Variants in SLC26A3 observed in about 807,000 individuals in gnomAD.
SLC26A3 encodes solute carrier family 26 member 3.
A neutral mutation model predicts 85.6 loss-of-function variants in SLC26A3; 64 were observed. The ratio of observed to expected loss-of-function variants is 0.75; its 90% CI spans 0.61 to 0.92. SLC26A3 has a LOEUF of 0.92. SLC26A3 is among the 40% of genes least tolerant of loss of function. SLC26A3 has a pLI of 0.00. For synonymous variants in SLC26A3, 349 were observed against 336.0 expected, an observed-to-expected ratio of 1.04 and a Z score of -0.42; for missense variants, 922 against 927.3, an observed-to-expected ratio of 0.99 and a Z score of 0.07.
chr7:107,784,821 CTAT>C (rs1794267280), intron 8 of SLC26A3, among the ~76,000 whole-genome samples: 1 of 152,176 alleles, frequency 6.6e-6, no homozygotes. Context: ...TGCCTGTTAG[CTAT>C]TATTATAGGA....
chr7:107,770,012 T>C (rs1303663629), intron 18 of SLC26A3, among the ~76,000 whole-genome samples: 3 of 37,008 alleles, frequency 8.1e-5, no homozygotes, highest in Admixed American at 6.7e-4. Flanking sequence ...CTTTCTTTCT[T>C]TCTTTCTTTC....
Position 107,794,516 on chromosome 7 carries a change from T to A in SLC26A3, c.-7A>T. 1.2e-6 allele frequency: 2 copies of A among 1,613,960 alleles called. No homozygotes were observed. The highest frequency in any genetic ancestry group is 1.7e-6 in the Non-Finnish European group (2 of 1,179,868). ...TCCCAAAGGGTTCAATCATTTTGAT[T>A]TTTCTGTTGGCTGTGGCAAGTTGAA... is the stretch of plus-strand genomic sequence containing the variant. On this transcript the variant is annotated 5_prime_UTR_variant, in exon 2 of 21. Transcript: ENST00000340010.
chr7:107,779,899 T>C, intron 11 of SLC26A3, 136 bp from the exon 12 acceptor site: 5 of 744,980 alleles, frequency 6.7e-6, no homozygotes, highest in South Asian at 1.5e-5. Flanking sequence ...TTTTCCGGTG[T>C]GCGATGCCAC....
In SLC26A3 at chr7:107,767,916, G is replaced by GA. The variant is rs757004284; in HGVS notation, c.2063-9dup. ...GCTTCTCAATGAAGTCATCTGAAGA[G>GA]AAAAAAACAGTAACTTTTAGGAAGA... is the stretch of plus-strand genomic sequence containing the variant. On this transcript the variant is annotated splice_polypyrimidine_tract_variant and intron_variant, in intron 18 of 20. Transcript: ENST00000340010. 7.4e-6 allele frequency: 12 copies of GA among 1,612,374 alleles called. No individual in the cohort carries two copies. The highest frequency in any genetic ancestry group is 1.7e-5 in the Admixed American group (1 of 59,792).
intron 3 of SLC26A3, 98 bp from the exon 4 acceptor site, chr7:107,792,038 TAA>T: frequency 1.4e-6 from 1 of 740,490 alleles, no homozygotes; most frequent in Admixed American, 2.1e-5. Flanking sequence ...ATCCTAAAAA[TAA>T]GTTACCTCAT....
intron 1 of SLC26A3, among the ~76,000 whole-genome samples, chr7:107,802,243 A>T (rs951680779): frequency 7.9e-5 from 12 of 152,168 alleles, no homozygotes; most frequent in African/African-American, 2.9e-4. Flanking sequence ...AAAGTTGTAT[A>T]ATCTTTTCCT....
At position 107,787,303 on chromosome 7, in the gene SLC26A3, T is replaced by C. The variant is rs1160977841; in HGVS notation, c.888+54A>G. The C allele has an allele frequency of 4.4e-6, 7 of 1,595,084 alleles. No homozygotes were observed. In the Admixed American group the frequency reaches 1.0e-4, roughly 23 times the overall value. On this transcript the variant is annotated intron_variant, in intron 7 of 20. Coordinates refer to ENST00000340010, the MANE Select transcript of SLC26A3 (RefSeq NM_000111.3). ...CCTGAGCTACAAATGGTGAAGGACT[T>C]ACAACATATAAACAGTAGAGTAGCT...
At chr7:107,790,353 A>G (rs762355768) in intron 5 of SLC26A3, among the ~76,000 whole-genome samples, 1 of 152,242 alleles carries the variant, frequency 6.6e-6, no homozygotes, top group Non-Finnish European at 1.5e-5. Context: ...TTCCATTTCT[A>G]TACTAAGTTC....
intron 3 of SLC26A3, 141 bp downstream of exon 3, chr7:107,793,601 G>T (rs1794440663): frequency 4.6e-6 from 3 of 655,694 alleles, no homozygotes; most frequent in Admixed American, 5.0e-5. Flanking sequence ...GATTTTTAGG[G>T]GTTGGTGGTG....
chr7:107,786,809 C>G lies in SLC26A3; in HGVS notation c.971+18G>C. 6.2e-7 allele frequency: 1 copy of G among 1,602,750 alleles called. No individual in the cohort carries two copies. On this transcript the variant is annotated intron_variant, in intron 8 of 20. Transcript: ENST00000340010. Reference sequence around the variant, plus strand: ...TCTGCTTAGTGCATGGTGATGCCATCATCGAAGACACACTTACCCAGGATT... The same window carrying G: ...TCTGCTTAGTGCATGGTGATGCCATGATCGAAGACACACTTACCCAGGATT...
intron 18 of SLC26A3, among the ~76,000 whole-genome samples, chr7:107,769,093 T>G (rs1246788152): frequency 1.3e-5 from 2 of 152,152 alleles, no homozygotes; most frequent in Non-Finnish European, 2.9e-5. Context: ...CAAGGGGATG[T>G]TTTTAATTAT....
chr7:107,792,539 G>A (rs187250666), intron 3 of SLC26A3, among the ~76,000 whole-genome samples: 24 of 152,144 alleles, frequency 1.6e-4, no homozygotes, highest in Admixed American at 1.0e-3. Flanking sequence ...TAATGTTGTC[G>A]CTGATCTAAC....
intron 11 of SLC26A3, among the ~76,000 whole-genome samples, chr7:107,782,366 A>T (rs955675348): frequency 3.9e-5 from 6 of 152,268 alleles, no homozygotes; most frequent in African/African-American, 1.4e-4. Flanking sequence ...TTGGTCTTGG[A>T]GTTAAACCAA....
At chr7:107,776,356 A>G in intron 15 of SLC26A3, 96 bp downstream of exon 15, 1 of 1,030,700 alleles carries the variant, frequency 9.7e-7, no homozygotes, top group Non-Finnish European at 1.5e-6. Flanking sequence ...AACATATGTG[A>G]CACAACCCAG....
intron 18 of SLC26A3, among the ~76,000 whole-genome samples, chr7:107,768,616 A>G (rs1793954309): frequency 6.6e-6 from 1 of 152,228 alleles, no homozygotes; most frequent in African/African-American, 2.4e-5. Flanking sequence ...GGAAAGGAGC[A>G]ATCTAGTTTT....
At chr7:107,787,314 A>C in intron 7 of SLC26A3, 43 bp downstream of exon 7, 1 of 1,606,114 alleles carries the variant, frequency 6.2e-7, no homozygotes, top group Non-Finnish European at 8.5e-7. Context: ...ACAACATATA[A>C]ACAGTAGAGT....
At chr7:107,768,049 A>G (rs1425236377) in intron 18 of SLC26A3, 141 bp from the exon 19 acceptor site, 6 of 728,228 alleles carry the variant, frequency 8.2e-6, no homozygotes, top group Non-Finnish European at 1.4e-5. Flanking sequence ...TTGCAGTGGT[A>G]TAATACCAGT....
intron 18 of SLC26A3, among the ~76,000 whole-genome samples, chr7:107,771,502 A>G (rs1052696331): frequency 2.0e-5 from 3 of 152,152 alleles, no homozygotes; most frequent in Non-Finnish European, 4.4e-5. Context: ...CCAATGTCAG[A>G]CCCTGAGGAG....
At chr7:107,781,042 G>A (rs1047023543) in intron 11 of SLC26A3, among the ~76,000 whole-genome samples, 1 of 151,882 alleles carries the variant, frequency 6.6e-6, no homozygotes, top group African/African-American at 2.4e-5. Flanking sequence ...TTTCCATTGG[G>A]CATTATTTCC....
Sources: gnomAD v4.1 joint callset for allele counts (sites outside exome capture counted in the v4.1 genomes callset) on GRCh38, gnomAD v4.1.1 for gene constraint, MANE v1.5 for transcripts, NCBI Gene and HGNC (gene_info 2026-07-23, HGNC 2026-07-21) for gene names.